The following ZNF385D variants were observed in gnomAD, a reference collection of about 807,000 sequenced individuals.
ZNF385D encodes zinc finger protein 659.
A neutral mutation model predicts 35.8 loss-of-function variants in ZNF385D; 15 were observed. The ratio of observed to expected loss-of-function variants is 0.42; its 90% CI spans 0.28 to 0.64. ZNF385D has a LOEUF of 0.64. ZNF385D is among the 30% of genes least tolerant of loss of function. The pLI, the probability that ZNF385D is intolerant of heterozygous loss-of-function variation, is 0.23. For missense variants in ZNF385D, 474 were observed against 494.6 expected, an observed-to-expected ratio of 0.96 and a Z score of 0.39; for synonymous variants, 212 against 186.8, an observed-to-expected ratio of 1.13 and a Z score of -1.10.
At chr3:21,955,121 T>G (rs1702227099) in intron 3 of ZNF385D, among the ~76,000 whole-genome samples, 1 of 152,160 alleles carries the variant, frequency 6.6e-6, no homozygotes, top group Non-Finnish European at 1.5e-5. Context: ...TATGACAAGT[T>G]ATTTCATCAA....
chr3:21,818,909 G>T (rs996136214), intron 3 of ZNF385D, among the ~76,000 whole-genome samples: 8 of 151,902 alleles, frequency 5.3e-5, no homozygotes, highest in African/African-American at 1.9e-4. Context: ...ACACGTGAAT[G>T]AATCTAAACC....
chr3:21,428,346 T>A (rs1701119163), intron 5 of ZNF385D, among the ~76,000 whole-genome samples: 1 of 151,940 alleles, frequency 6.6e-6, no homozygotes, highest in Admixed American at 6.6e-5. Context: ...AAACTGAGAC[T>A]CAGAAAGACT....
intron 2 of ZNF385D, among the ~76,000 whole-genome samples, chr3:22,364,312 T>C (rs1696552493): frequency 6.6e-6 from 1 of 151,946 alleles, no homozygotes; most frequent in South Asian, 2.1e-4. Flanking sequence ...ATCAACAAAG[T>C]AAAAGATAAC....
intron 3 of ZNF385D, among the ~76,000 whole-genome samples, chr3:21,767,511 G>T (rs1464794322): frequency 6.6e-6 from 1 of 151,948 alleles, no homozygotes; most frequent in Non-Finnish European, 1.5e-5. Context: ...ATACTTGCCA[G>T]TTCCTTTCTA....
intron 2 of ZNF385D, among the ~76,000 whole-genome samples, chr3:22,207,023 TAAATAAATAAAGAAGAGCC>T (rs1361270944): frequency 5.3e-5 from 8 of 151,596 alleles, no homozygotes; most frequent in African/African-American, 1.7e-4. Flanking sequence ...TAACTAAAAA[TAAATAAATAAAGAAGAGCC>T]AAATAAATAA....
At chr3:21,810,929 C>T (rs1050164430) in intron 3 of ZNF385D, among the ~76,000 whole-genome samples, 1 of 149,526 alleles carries the variant, frequency 6.7e-6, no homozygotes, top group African/African-American at 2.5e-5. Flanking sequence ...AACATATATA[C>T]ACACACAGCA....
intron 2 of ZNF385D, among the ~76,000 whole-genome samples, chr3:21,608,023 G>GTTTTTTTTTGGTTTTT (rs1553622610): frequency 2.3e-4 from 28 of 120,230 alleles, no homozygotes; most frequent in South Asian, 5.9e-4. Flanking sequence ...TTTTTTTTTT[G>GTTTTTTTTTGGTTTTT]TTTTTTTTTT....
intron 4 of ZNF385D, among the ~76,000 whole-genome samples, chr3:21,505,400 C>T (rs988361812): frequency 6.6e-6 from 1 of 152,024 alleles, no homozygotes; most frequent in Non-Finnish European, 1.5e-5. Flanking sequence ...CAATAAGATA[C>T]AAAATTCTAA....
At chr3:22,035,433 ATACT>A (rs1209410176) in intron 3 of ZNF385D, among the ~76,000 whole-genome samples, 10 of 152,218 alleles carry the variant, frequency 6.6e-5, no homozygotes, top group Non-Finnish European at 1.3e-4. Flanking sequence ...CAGAAATCCA[ATACT>A]TATCAGTTAA....
In ZNF385D at chr3:22,255,955, A is replaced by C. The variant is rs116368435; in HGVS notation, c.107-86920T>G. Reference sequence around the variant, plus strand: ...ATATTTGAGTCAGTGGGGCTGGGAAAGGCCGACTCACCCTTAATCTGGTTG... The same window carrying C: ...ATATTTGAGTCAGTGGGGCTGGGAACGGCCGACTCACCCTTAATCTGGTTG... On this transcript the variant is annotated intron_variant, in intron 2 of 5. Transcript: ENST00000494108. 4.1e-3 allele frequency among the ~76,000 whole-genome samples: 615 copies of C among 151,798 alleles called. 1 individual carries two copies. Among genetic ancestry groups the C allele is most frequent in the Non-Finnish European group, 7.1e-3 (484 of 67,848 alleles).
intron 3 of ZNF385D, among the ~76,000 whole-genome samples, chr3:22,045,193 T>C (rs1482379128): frequency 1.3e-5 from 2 of 152,122 alleles, no homozygotes; most frequent in Non-Finnish European, 2.9e-5. Flanking sequence ...ACCAATATCA[T>C]GGGGCTTTCC....
chr3:21,800,381 G>A (rs2072340761), intron 3 of ZNF385D, among the ~76,000 whole-genome samples: 1 of 152,074 alleles, frequency 6.6e-6, no homozygotes, highest in South Asian at 2.1e-4. Context: ...CCATTAACAT[G>A]GAATTTCCTT....
intron 2 of ZNF385D, among the ~76,000 whole-genome samples, chr3:22,182,215 C>A (rs1695327839): frequency 6.6e-6 from 1 of 152,038 alleles, no homozygotes; most frequent in South Asian, 2.1e-4. Flanking sequence ...AACTCTCTTG[C>A]AATAATTAAT....
At chr3:22,335,867 G>A (rs1248632221) in intron 2 of ZNF385D, among the ~76,000 whole-genome samples, 2 of 151,966 alleles carry the variant, frequency 1.3e-5, no homozygotes, top group East Asian at 3.9e-4. Flanking sequence ...CCTTCGTATT[G>A]TCTTCCAAAA....
chr3:22,244,349 C>A (rs1339874613), intron 2 of ZNF385D, among the ~76,000 whole-genome samples: 2 of 76,490 alleles, frequency 2.6e-5, no homozygotes, highest in African/African-American at 4.7e-5. Flanking sequence ...CAAAGTGATA[C>A]CAGACAACCG....
chr3:21,745,369 G>A (rs551265006), intron 1 of ZNF385D, among the ~76,000 whole-genome samples: 1 of 152,310 alleles, frequency 6.6e-6, no homozygotes, highest in South Asian at 2.1e-4. Context: ...TTGAGGTTTT[G>A]GAATCAAGAG....
At chr3:21,703,484 A>T (rs915745989) in intron 1 of ZNF385D, among the ~76,000 whole-genome samples, 2 of 152,160 alleles carry the variant, frequency 1.3e-5, no homozygotes, top group Admixed American at 1.3e-4. Context: ...GATATTGTGC[A>T]ATCCCTTGGT....
intron 1 of ZNF385D, among the ~76,000 whole-genome samples, chr3:21,700,486 C>A (rs368936738): frequency 6.0e-4 from 91 of 152,120 alleles, no homozygotes; most frequent in African/African-American, 2.1e-3. Context: ...TAGTTTTTTT[C>A]TTTTCCTGAG....
intron 2 of ZNF385D, among the ~76,000 whole-genome samples, chr3:22,291,799 CTACT>C (rs1702314433): frequency 2.0e-5 from 3 of 151,864 alleles, no homozygotes; most frequent in Admixed American, 2.0e-4. Flanking sequence ...AGGGTTAATC[CTACT>C]TATTTATGCA....
Sources: gnomAD v4.1 joint callset for allele counts (sites outside exome capture counted in the v4.1 genomes callset) on GRCh38, gnomAD v4.1.1 for gene constraint, MANE v1.5 for transcripts, NCBI Gene and HGNC (gene_info 2026-07-23, HGNC 2026-07-21) for gene names.